Variants in FBLN2 observed in about 807,000 individuals in gnomAD.
The protein encoded by FBLN2 is fibulin 2, also known as fibulin-2.
A neutral mutation model predicts 123.7 loss-of-function variants in FBLN2; 81 were observed. The ratio of observed to expected loss-of-function variants is 0.65; its 90% CI spans 0.55 to 0.79. FBLN2 has a LOEUF of 0.79. FBLN2 is among the 30% of genes least tolerant of loss of function. FBLN2 has a pLI of 0.00. For missense variants in FBLN2, 1,603 were observed against 1,681.3 expected, an observed-to-expected ratio of 0.95 and a Z score of 0.81; for synonymous variants, 699 against 701.4, an observed-to-expected ratio of 1.00 and a Z score of 0.05.
intron 8 of FBLN2, among the ~76,000 whole-genome samples, chr3:13,620,365 G>A (rs1156780174): frequency 6.6e-6 from 1 of 152,204 alleles, no homozygotes; most frequent in Non-Finnish European, 1.5e-5. Context: ...AGCAATGCCG[G>A]TTGTTTTAAG....
Position 13,608,126 on chromosome 3 carries a change from C to T in FBLN2, c.1371C>T (p.Asp457=), listed in dbSNP as rs371827931. The change falls in exon 3 of 18, where the codon GAC becomes GAT. Residue 457 remains aspartate (D), a synonymous_variant. Coordinates refer to ENST00000404922, the MANE Select transcript of FBLN2 (RefSeq NM_001004019.2). ...GACAGCAGTGGGCCATTGACAATGACGAGTGCCTGGAGATCCCTGAGAGTG... is the reference window on the plus strand; with the variant it reads ...GACAGCAGTGGGCCATTGACAATGATGAGTGCCTGGAGATCCCTGAGAGTG... ...AAGQQWAIDN[D]ECLEIPESGT... 20 of 1,598,874 alleles carry T rather than the reference C, an allele frequency of 1.3e-5. No homozygotes were observed. The highest frequency in any genetic ancestry group is 1.1e-4 in the African/African-American group (8 of 74,770).
chr3:13,632,870 G>A (rs1350326706), intron 16 of FBLN2, among the ~76,000 whole-genome samples: 1 of 152,006 alleles, frequency 6.6e-6, no homozygotes, highest in Non-Finnish European at 1.5e-5. Context: ...TATGGACTCC[G>A]TAAAAGGTAA....
chr3:13,558,356 C>T (rs902242279), intron 1 of FBLN2, among the ~76,000 whole-genome samples: 1 of 152,048 alleles, frequency 6.6e-6, no homozygotes, highest in Non-Finnish European at 1.5e-5. Context: ...CTCTGCCTGT[C>T]TTTTGCTGGC....
chr3:13,637,032 C>T (rs1001215246), intron 17 of FBLN2, among the ~76,000 whole-genome samples: 3 of 152,146 alleles, frequency 2.0e-5, no homozygotes, highest in Non-Finnish European at 4.4e-5. Context: ...TCACATGAGC[C>T]CCTCCACAAG....
At chr3:13,566,228 CG>C (rs1216285149) in intron 1 of FBLN2, among the ~76,000 whole-genome samples, 5 of 152,150 alleles carry the variant, frequency 3.3e-5, no homozygotes, top group African/African-American at 9.7e-5. Flanking sequence ...CTGCAGAAGC[CG>C]GGGTTGTGGG....
chr3:13,617,336 A>C (rs1705653765), intron 5 of FBLN2, among the ~76,000 whole-genome samples: 1 of 151,268 alleles, frequency 6.6e-6, no homozygotes, highest in African/African-American at 2.4e-5. Flanking sequence ...CCATCCATTC[A>C]CGTATCCATC....
intron 1 of FBLN2, among the ~76,000 whole-genome samples, chr3:13,564,242 G>A (rs1448924101): frequency 6.6e-6 from 1 of 152,076 alleles, no homozygotes; most frequent in African/African-American, 2.4e-5. Context: ...CAGCCAGCGG[G>A]CCAGGTGGTA....
intron 1 of FBLN2, among the ~76,000 whole-genome samples, chr3:13,563,127 G>A (rs1294455837): frequency 6.6e-6 from 1 of 152,174 alleles, no homozygotes; most frequent in South Asian, 2.1e-4. Context: ...TACTTTCTGG[G>A]CCTCAGGTGG....
chr3:13,559,255 A>AAGG (rs1553616083), intron 1 of FBLN2, among the ~76,000 whole-genome samples: 6 of 151,712 alleles, frequency 4.0e-5, no homozygotes, highest in African/African-American at 1.2e-4. Context: ...GTTAATCAAA[A>AAGG]GGGGTTCATG....
At chr3:13,590,605 C>T (rs566800875) in intron 2 of FBLN2, among the ~76,000 whole-genome samples, 2 of 152,318 alleles carry the variant, frequency 1.3e-5, no homozygotes, top group Non-Finnish European at 2.9e-5. Context: ...GGATTACAGG[C>T]GTGAGCCACC....
At chr3:13,629,130 C>T in intron 12 of FBLN2, 34 bp from the exon 13 acceptor site, 2 of 1,612,708 alleles carry the variant, frequency 1.2e-6, no homozygotes, top group Non-Finnish European at 1.7e-6. Flanking sequence ...GGAGGGAGCC[C>T]CAGGCCTCAA....
chr3:13,628,152 C>T (rs1220549364), intron 11 of FBLN2, among the ~76,000 whole-genome samples, 183 bp downstream of exon 11: 1 of 152,232 alleles, frequency 6.6e-6, no homozygotes, highest in African/African-American at 2.4e-5. Flanking sequence ...CCACTGTCCC[C>T]AAAGTGTAGC....
chr3:13,636,358 G>A (rs1175849056), intron 16 of FBLN2, 87 bp from the exon 17 acceptor site: 9 of 1,528,802 alleles, frequency 5.9e-6, no homozygotes, highest in Admixed American at 2.0e-5. Context: ...GGCTGCCGTG[G>A]GGCCCAGGCC....
At chr3:13,572,649 A>G (rs1704000860) in intron 2 of FBLN2, among the ~76,000 whole-genome samples, 1 of 152,194 alleles carries the variant, frequency 6.6e-6, no homozygotes, top group African/African-American at 2.4e-5. Flanking sequence ...TTGCCCATCC[A>G]TGCCTGCTCC....
At chr3:13,621,680 C>T in intron 8 of FBLN2, 95 bp from the exon 9 acceptor site, 1 of 1,404,302 alleles carries the variant, frequency 7.1e-7, no homozygotes, top group Non-Finnish European at 9.8e-7. Flanking sequence ...GGCCCCTGCC[C>T]CTTGCTGGGT....
At chr3:13,588,632 C>A (rs892945878) in intron 2 of FBLN2, among the ~76,000 whole-genome samples, 6 of 152,262 alleles carry the variant, frequency 3.9e-5, no homozygotes, top group African/African-American at 1.4e-4. Context: ...CAGCACGGAT[C>A]ACCCGAGGCT....
At chr3:13,620,989 C>G (rs1705831110) in intron 8 of FBLN2, among the ~76,000 whole-genome samples, 1 of 152,262 alleles carries the variant, frequency 6.6e-6, no homozygotes, top group Admixed American at 6.5e-5. Flanking sequence ...GGCCCCGCCC[C>G]CCATCTCCCA....
intron 2 of FBLN2, among the ~76,000 whole-genome samples, chr3:13,584,197 T>C (rs867430884): frequency 6.6e-6 from 1 of 152,202 alleles, no homozygotes; most frequent in Admixed American, 6.5e-5. Flanking sequence ...AATTTGTAAA[T>C]ATTAGCAATT....
intron 14 of FBLN2, 75 bp from the exon 15 acceptor site, chr3:13,630,624 T>C (rs1227037889): frequency 1.6e-6 from 2 of 1,260,054 alleles, no homozygotes; most frequent in Non-Finnish European, 2.2e-6. Flanking sequence ...TGGGCCTGGC[T>C]GTCAGACAGC....
Sources: gnomAD v4.1 joint callset for allele counts (sites outside exome capture counted in the v4.1 genomes callset) on GRCh38, gnomAD v4.1.1 for gene constraint, MANE v1.5 for transcripts, NCBI Gene and HGNC (gene_info 2026-07-23, HGNC 2026-07-21) for gene names.